Variants in CR1L observed in about 807,000 individuals in gnomAD.
CR1L encodes the protein complement component receptor 1-like protein.
CR1L carries 59 observed loss-of-function variants against 62.3 expected under a neutral mutation model. The ratio of observed to expected loss-of-function variants is 0.95; its 90% CI spans 0.77 to 1.18. CR1L has a LOEUF of 1.18. Ranked by LOEUF, CR1L falls within the 50% of genes most tolerant of loss-of-function variation. The pLI is 0.00. For synonymous variants in CR1L, 279 were observed against 248.7 expected (o/e 1.12, Z -1.15); for missense variants, 700 against 702.8 (o/e 1.00, Z 0.04).
chr1:207,697,775 A>G lies in CR1L; in HGVS notation c.1044A>G (p.Lys348=). ...WSPAAPRCEV[K]SCDDFLGQLP... ...TTCGTTTTTCTTTTTTTCCAGTGAA[A>G]TCCTGTGATGACTTCCTGGGCCAAC... The change falls in exon 7 of 12, where the codon AAA becomes AAG. Residue 348 remains lysine (K), a synonymous_variant. Coordinates refer to ENST00000508064, the MANE Select transcript of CR1L (RefSeq NM_175710.2). 6.2e-7 allele frequency: 1 copy of G among 1,613,860 alleles called. No homozygotes were observed. The highest frequency in any genetic ancestry group is 8.5e-7 in the Non-Finnish European group (1 of 1,179,874).
chr1:207,699,345 C>T, intron 8 of CR1L, 71 bp downstream of exon 8: 2 of 1,548,894 alleles, frequency 1.3e-6, no homozygotes, highest in South Asian at 1.2e-5. Context: ...CCATGACCTC[C>T]CCTAATGTGG....
At position 207,668,237 on chromosome 1, in the gene CR1L, A is replaced by G. The variant is rs938229645; in HGVS notation, c.98-9152A>G. Among the ~76,000 whole-genome samples, 6 of 151,234 alleles carry G rather than the reference A, an allele frequency of 4.0e-5. 1 individual carries two copies. The highest frequency in any genetic ancestry group is 7.3e-5 in the Non-Finnish European group (5 of 68,038). ...GCACTCTCACATTCAATGATGCACTATTCACAATAGCCAAGGTATGGAATC... is the reference window on the plus strand; with the variant it reads ...GCACTCTCACATTCAATGATGCACTGTTCACAATAGCCAAGGTATGGAATC... On this transcript the variant is annotated intron_variant, in intron 1 of 11. Coordinates refer to ENST00000508064, the MANE Select transcript of CR1L (RefSeq NM_175710.2).
In CR1L at chr1:207,689,345, A is replaced by G. The variant is rs371650700; in HGVS notation, c.464-5008A>G. Among the ~76,000 whole-genome samples the G allele has an allele frequency of 3.4e-4, 52 of 152,062 alleles. No homozygotes were observed. In the Middle Eastern group the frequency reaches 0.01, roughly 30 times the overall value. The stretch of plus-strand genomic sequence containing the variant: ...TGCTTGTGATGTGTTATAGATGATT[A>G]TCCTATCTATGAAATGTGTGTGAGT... On this transcript the variant is annotated intron_variant, in intron 4 of 11. Transcript: ENST00000508064.
chr1:207,689,213 A>G (rs1347711440), intron 4 of CR1L, among the ~76,000 whole-genome samples: 1 of 152,122 alleles, frequency 6.6e-6, no homozygotes, highest in African/African-American at 2.4e-5. Flanking sequence ...ATCACTCTGC[A>G]TGTATTGAGA....
intron 4 of CR1L, among the ~76,000 whole-genome samples, chr1:207,686,276 T>C (rs1295357342): frequency 1.3e-5 from 2 of 150,536 alleles, no homozygotes; most frequent in Non-Finnish European, 2.9e-5. Context: ...TTGGTAGCAA[T>C]AGATGTCATC....
At chr1:207,709,719 C>A (rs554774180) in intron 10 of CR1L, among the ~76,000 whole-genome samples, 2 of 151,082 alleles carry the variant, frequency 1.3e-5, no homozygotes, top group African/African-American at 4.9e-5. Context: ...TGTCTGTAAT[C>A]CCAGCTACTT....
chr1:207,661,258 A>G (rs1663416108), intron 1 of CR1L, among the ~76,000 whole-genome samples: 1 of 152,146 alleles, frequency 6.6e-6, no homozygotes, highest in Non-Finnish European at 1.5e-5. Context: ...AAACTCTCCC[A>G]TTATTATTGT....
At chr1:207,650,058 G>A (rs1663198872) in intron 1 of CR1L, among the ~76,000 whole-genome samples, 1 of 151,974 alleles carries the variant, frequency 6.6e-6, no homozygotes. Flanking sequence ...GTGGCTCTTG[G>A]GCCTCCCTTT....
intron 8 of CR1L, among the ~76,000 whole-genome samples, chr1:207,700,937 C>T (rs1256685943): frequency 1.3e-5 from 2 of 152,172 alleles, no homozygotes; most frequent in African/African-American, 4.8e-5. Context: ...CTGGATCTTT[C>T]CCATGTCTGC....
intron 1 of CR1L, among the ~76,000 whole-genome samples, chr1:207,667,846 A>G (rs1234746788): frequency 6.6e-6 from 1 of 151,084 alleles, no homozygotes; most frequent in Non-Finnish European, 1.5e-5. Context: ...ATATTATTTA[A>G]AAGTGGGCAC....
At position 207,717,697 on chromosome 1, in the gene CR1L, T is replaced by C; in HGVS notation, c.1642+6T>C. The C allele has an allele frequency of 6.2e-7, 1 of 1,613,928 alleles. No individual in the cohort carries two copies. The highest frequency in any genetic ancestry group is 8.5e-7 in the Non-Finnish European group (1 of 1,179,810). On this transcript the variant is annotated splice_donor_region_variant and intron_variant, in intron 11 of 11. Coordinates refer to ENST00000508064, the MANE Select transcript of CR1L (RefSeq NM_175710.2). ...TGAACTTCCTGTTGGTGCTGGTCAG[T>C]ATCCGCTTCCACATATCCTAAATGG...
At chr1:207,697,411 T>A in intron 5 of CR1L, 92 bp from the exon 6 acceptor site, 1 of 1,608,664 alleles carries the variant, frequency 6.2e-7, no homozygotes, top group Non-Finnish European at 8.5e-7. Context: ...TTGTTACATA[T>A]AGATTTGTAA....
At chr1:207,688,250 C>T (rs558470010) in intron 4 of CR1L, among the ~76,000 whole-genome samples, 37 of 152,244 alleles carry the variant, frequency 2.4e-4, no homozygotes, top group Non-Finnish European at 2.2e-4. Flanking sequence ...CACTCCAGTC[C>T]AGGTGACAGA....
chr1:207,696,569 G>A (rs981421812), intron 5 of CR1L, among the ~76,000 whole-genome samples: 4 of 152,160 alleles, frequency 2.6e-5, no homozygotes, highest in African/African-American at 9.7e-5. Flanking sequence ...ACTGGGTGAT[G>A]AGCCCTGAAA....
chr1:207,668,759 A>C (rs12409159), intron 1 of CR1L, among the ~76,000 whole-genome samples: 19,994 of 150,920 alleles, frequency 0.13, 1,746 homozygotes, highest in East Asian at 0.27. Flanking sequence ...TATCTTTGTT[A>C]ATTGTCCACT....
Position 207,678,239 on chromosome 1 carries a change from G to A in CR1L, c.319G>A (p.Ala107Thr). 6.2e-7 allele frequency: 1 copy of A among 1,613,714 alleles called. No individual in the cohort carries two copies. Among genetic ancestry groups the A allele is most frequent in the Non-Finnish European group, 8.5e-7 (1 of 1,179,636 alleles). ...TCCTCCAGATCCTGTGAATGGCATG[G>A]CACATGTGATCAAAGACATCCAGTT... ...RNPPDPVNGM[A>T]HVIKDIQFRS... Residue 107 changes from alanine to threonine, a missense_variant, in exon 3 of 12, where the codon GCA becomes ACA. By Grantham distance (58) the Ala-to-Thr change is moderately conservative (BLOSUM62 0). Coordinates refer to ENST00000508064, the MANE Select transcript of CR1L (RefSeq NM_175710.2).
At chr1:207,670,938 G>A (rs1173079521) in intron 1 of CR1L, among the ~76,000 whole-genome samples, 1 of 151,090 alleles carries the variant, frequency 6.6e-6, no homozygotes, top group Non-Finnish European at 1.5e-5. Context: ...TGCTTCCGGT[G>A]TGCACAGTCC....
At chr1:207,656,506 C>T (rs910430059) in intron 1 of CR1L, among the ~76,000 whole-genome samples, 3 of 151,960 alleles carry the variant, frequency 2.0e-5, no homozygotes, top group Non-Finnish European at 4.4e-5. Flanking sequence ...TAAAGAAATG[C>T]CTGAGACTGG....
rs186224930 is a variant in CR1L, at chr1:207,672,430, T to C, written c.98-4959T>C. Among the ~76,000 whole-genome samples the C allele has an allele frequency of 7.7e-5, 11 of 143,684 alleles. No homozygotes were observed. In the East Asian group the frequency reaches 2.1e-3, roughly 28 times the overall value. The allele number at this position is 143,684 out of a possible 152,430, so 94.3% of individuals were successfully genotyped here. A position where few individuals can be genotyped will look rare whatever the true frequency, so the allele number is the denominator to read the frequency against. On this transcript the variant is annotated intron_variant, in intron 1 of 11. Coordinates refer to ENST00000508064, the MANE Select transcript of CR1L (RefSeq NM_175710.2). ...GAAATAGATGAATGCACTATCATAGTTGGAGACTTCAGCACCTTTATCTTT... is the reference window on the plus strand; with the variant it reads ...GAAATAGATGAATGCACTATCATAGCTGGAGACTTCAGCACCTTTATCTTT...
Sources: allele counts gnomAD v4.1 joint callset (sites outside exome capture counted in the v4.1 genomes callset), GRCh38; gene constraint gnomAD v4.1.1; transcripts MANE v1.5; gene names NCBI Gene and HGNC (gene_info 2026-07-23, HGNC 2026-07-21).